The following ZNF831 variants were observed in gnomAD, a reference collection of about 807,000 sequenced individuals.
The protein encoded by ZNF831 is zinc finger protein 831, also known as chromosome 20 open reading frame 174.
In ZNF831, 59 loss-of-function variants were observed where a neutral mutation model predicts 95.8. That is an observed-to-expected ratio of 0.62 (90% CI 0.50 to 0.77). The LOEUF (loss-of-function observed/expected upper bound fraction) is 0.77. Among genes scored for constraint, ZNF831 ranks in the 30% least tolerant of loss-of-function variants. ZNF831 has a pLI of 0.00. For synonymous variants in ZNF831, 961 were observed against 925.5 expected (o/e 1.04, Z -0.70); for missense variants, 2,205 against 2,164.0 (o/e 1.02, Z -0.38).
intron 2 of ZNF831, 48 bp from the exon 3 acceptor site, chr20:59,195,821 T>C (rs1330969647): frequency 6.3e-7 from 1 of 1,581,420 alleles, no homozygotes; most frequent in Non-Finnish European, 8.6e-7. Context: ...GTTTTCTTCA[T>C]CATGAGGACT....
chr20:59,201,405 C>G (rs527308126), intron 3 of ZNF831, among the ~76,000 whole-genome samples: 2 of 152,190 alleles, frequency 1.3e-5, no homozygotes, highest in Admixed American at 1.3e-4. Context: ...TGATTTGTAA[C>G]TATTTTCTTT....
At chr20:59,190,339 T>C (rs1417583078) in intron 1 of ZNF831, among the ~76,000 whole-genome samples, 1 of 152,260 alleles carries the variant, frequency 6.6e-6, no homozygotes, top group East Asian at 1.9e-4. Flanking sequence ...ATGCAATATT[T>C]GGGACATACT....
intron 4 of ZNF831, among the ~76,000 whole-genome samples, chr20:59,211,585 T>C (rs1985336229): frequency 6.6e-6 from 1 of 152,168 alleles, no homozygotes; most frequent in South Asian, 2.1e-4. Context: ...CACTTGCCAA[T>C]ACCAATATTT....
intron 4 of ZNF831, among the ~76,000 whole-genome samples, chr20:59,247,616 C>T (rs1477199581): frequency 6.6e-6 from 1 of 152,136 alleles, no homozygotes; most frequent in Non-Finnish European, 1.5e-5. Context: ...TGTTAATTCC[C>T]GGGATGCTTC....
chr20:59,223,865 C>T (rs569977278), intron 4 of ZNF831, among the ~76,000 whole-genome samples: 72 of 152,338 alleles, frequency 4.7e-4, no homozygotes, highest in Middle Eastern at 6.8e-3. Flanking sequence ...CATACCCCAT[C>T]TGGGCCCAAA....
chr20:59,253,815 G>A (rs2146759518), intron 5 of ZNF831, 83 bp from the exon 6 acceptor site: 3 of 1,455,990 alleles, frequency 2.1e-6, no homozygotes, highest in Middle Eastern at 2.6e-4. Context: ...TGTTTTCATT[G>A]AGGACCACGT....
intron 1 of ZNF831, among the ~76,000 whole-genome samples, chr20:59,187,287 G>A (rs1175427533): frequency 6.6e-6 from 1 of 152,134 alleles, no homozygotes; most frequent in Admixed American, 6.5e-5. Flanking sequence ...TGGGTCCTTT[G>A]GGAGGTGGTC....
upstream of ZNF831, among the ~76,000 whole-genome samples, chr20:59,161,821 C>T (rs1017730717): frequency 1.3e-5 from 2 of 152,186 alleles, no homozygotes; most frequent in African/African-American, 4.8e-5. Flanking sequence ...ACTTTTAGTC[C>T]TTTAAGAAAT....
intron 4 of ZNF831, among the ~76,000 whole-genome samples, chr20:59,213,176 T>C (rs927872146): frequency 6.6e-6 from 1 of 152,224 alleles, no homozygotes; most frequent in Non-Finnish European, 1.5e-5. Flanking sequence ...AAATAGTCCA[T>C]TGGTCTACCC....
intron 1 of ZNF831, among the ~76,000 whole-genome samples, chr20:59,123,872 C>T (rs1399930985): frequency 2.6e-5 from 4 of 152,192 alleles, no homozygotes; most frequent in African/African-American, 9.7e-5. Context: ...TCAGGCATCT[C>T]ATCCACAGAA....
At chr20:59,218,695 C>T (rs755925151) in intron 4 of ZNF831, among the ~76,000 whole-genome samples, 2 of 151,700 alleles carry the variant, frequency 1.3e-5, no homozygotes, top group African/African-American at 2.4e-5. Flanking sequence ...GGATGTTGAG[C>T]GGCCAGGTAT....
intron 4 of ZNF831, among the ~76,000 whole-genome samples, chr20:59,250,898 A>G (rs376495595): frequency 6.6e-6 from 1 of 152,196 alleles, no homozygotes; most frequent in Non-Finnish European, 1.5e-5. Context: ...AGGAGATCCA[A>G]TAACCCAATA....
chr20:59,202,140 G>A (rs1213800879), intron 3 of ZNF831, among the ~76,000 whole-genome samples: 1 of 151,918 alleles, frequency 6.6e-6, no homozygotes, highest in East Asian at 1.9e-4. Flanking sequence ...GCAAAGTCTT[G>A]GTCAGAAGTC....
At position 59,192,883 on chromosome 20, in the gene ZNF831, G is replaced by T. The variant is rs1568755345; in HGVS notation, c.1864G>T (p.Val622Leu). Residue 622 changes from valine to leucine, a missense_variant, in exon 2 of 6, where the codon GTG (valine) becomes TTG (leucine). Coordinates refer to ENST00000371030, the MANE Select transcript of ZNF831 (RefSeq NM_178457.3). This position sits in a 1 kb window ranked among gnomAD's most constrained non-coding sequence, Gnocchi z 5.2. ...LKMFSQEKWQVYGDETFKRIY... is the reference protein window; with the variant it reads ...LKMFSQEKWQLYGDETFKRIY... ...GATGTTCTCCCAGGAGAAGTGGCAG[G>T]TGTACGGGGATGAGACGTTCAAAAG... 1 of 1,598,586 alleles carries T rather than the reference G, an allele frequency of 6.3e-7. No individual in the cohort carries two copies. The highest frequency in any genetic ancestry group is 1.7e-5 in the Admixed American group (1 of 58,632).
chr20:59,198,171 G>C (rs1984261812), intron 3 of ZNF831, among the ~76,000 whole-genome samples: 2 of 152,150 alleles, frequency 1.3e-5, no homozygotes, highest in Admixed American at 6.5e-5. Flanking sequence ...AGCCCAGGAG[G>C]CTTGGAGATA....
intron 1 of ZNF831, among the ~76,000 whole-genome samples, chr20:59,124,902 G>A (rs1229313799): frequency 2.6e-5 from 4 of 152,160 alleles, no homozygotes; most frequent in East Asian, 1.9e-4. Flanking sequence ...TCCCATCCCC[G>A]TGCACGGGGT....
Position 59,206,995 on chromosome 20 carries a change from T to C in ZNF831, c.3966T>C (p.Pro1322=). ...PTWVRRRSRH[P]PALEGLKPCR... Reference sequence around the variant, plus strand: ...GGGTGCGAAGAAGAAGCCGCCACCCTCCCGCACTTGAGGGACTGAAGCCAT... The same window carrying C: ...GGGTGCGAAGAAGAAGCCGCCACCCCCCCGCACTTGAGGGACTGAAGCCAT... The change falls in exon 4 of 6, where the codon CCT becomes CCC. Residue 1322 remains proline, a synonymous_variant. Coordinates refer to ENST00000371030, the MANE Select transcript of ZNF831 (RefSeq NM_178457.3). The C allele has an allele frequency of 6.2e-7, 1 of 1,614,114 alleles. No individual in the cohort carries two copies. The highest frequency in any genetic ancestry group is 8.5e-7 in the Non-Finnish European group (1 of 1,180,016).
intron 3 of ZNF831, among the ~76,000 whole-genome samples, chr20:59,202,040 C>G (rs924744515): frequency 2.0e-5 from 3 of 152,110 alleles, no homozygotes; most frequent in African/African-American, 4.8e-5. Context: ...TGGATCACTG[C>G]CTTTATTGCT....
chr20:59,201,687 A>C (rs150689542), intron 3 of ZNF831, among the ~76,000 whole-genome samples: 1 of 152,176 alleles, frequency 6.6e-6, no homozygotes. Context: ...TTGTGTGTGG[A>C]TATCTTATCT....
Sources: gnomAD v4.1 joint callset for allele counts (sites outside exome capture counted in the v4.1 genomes callset) on GRCh38, gnomAD v4.1.1 for gene constraint, Gnocchi (gnomAD v3.1) non-coding constraint, MANE v1.5 for transcripts, NCBI Gene and HGNC (gene_info 2026-07-23, HGNC 2026-07-21) for gene names.